The following RABGGTA variants were observed in gnomAD, a reference collection of about 807,000 sequenced individuals.
RABGGTA encodes the protein geranylgeranyl transferase type-2 subunit alpha.
RABGGTA carries 69 observed loss-of-function variants against 83.3 expected under a neutral mutation model. The ratio of observed to expected loss-of-function variants is 0.83; its 90% CI spans 0.68 to 1.01. The LOEUF (loss-of-function observed/expected upper bound fraction) is 1.01. RABGGTA is among the 50% of genes least tolerant of loss of function. The probability of loss-of-function intolerance (pLI) is 0.00; values close to 1 mark genes in which losing one functional copy is unlikely to be tolerated. For missense variants in RABGGTA, 681 were observed against 712.7 expected (o/e 0.96, Z 0.51); for synonymous variants, 310 against 299.8 (o/e 1.03, Z -0.35).
At position 24,270,079 on chromosome 14, in the gene RABGGTA, G is replaced by C. The variant is rs756007491; in HGVS notation, c.301C>G (p.Arg101Gly). The C allele has an allele frequency of 2.5e-6, 4 of 1,610,926 alleles. No individual in the cohort carries two copies. The highest frequency in any genetic ancestry group is 3.4e-6 in the Non-Finnish European group (4 of 1,178,622). Residue 101 changes from arginine (R) to glycine (G), a missense_variant, in exon 5 of 17, where the codon CGG becomes GGG. Physicochemically the swap from Arg to Gly is moderately radical, Grantham distance 125. Around this residue, in one of 5 missense-constraint regions of RABGGTA, gnomAD observed 12 missense variants for 32.0 expected, o/e 0.37. Coordinates refer to ENST00000216840, the MANE Select transcript of RABGGTA (RefSeq NM_182836.3). ...GTACCATAAGACTTGGGGTTCACCC[G>C]CAGGCAGCTCTCCAGGAAGCCCAGT... is the stretch of plus-strand genomic sequence containing the variant. Reference protein sequence around the residue: ...AELGFLESCLRVNPKSYGTWH... With the variant: ...AELGFLESCLGVNPKSYGTWH...
At chr14:24,265,791 G>A in intron 16 of RABGGTA, 28 bp from the exon 17 acceptor site, 5 of 1,578,352 alleles carry the variant, frequency 3.2e-6, no homozygotes, top group Non-Finnish European at 4.3e-6. Context: ...AGGAAAGCTT[G>A]GCAGGTTCCT....
rs2040920942 is a variant in RABGGTA, at chr14:24,269,707, G to A, written c.428-13C>T. ...TCCCAGCAGTGAACTGGAGGGGAGA[G>A]GTGACAGCATATCTTAGAGGCAGGG... On this transcript the variant is annotated splice_polypyrimidine_tract_variant and intron_variant, in intron 5 of 16. Transcript: ENST00000216840. 6.2e-7 allele frequency: 1 copy of A among 1,612,950 alleles called. No individual in the cohort carries two copies. The highest frequency in any genetic ancestry group is 1.1e-5 in the South Asian group (1 of 91,070).
intron 6 of RABGGTA, 110 bp downstream of exon 6, chr14:24,269,381 T>C: frequency 7.6e-7 from 1 of 1,315,724 alleles, no homozygotes; most frequent in Non-Finnish European, 1.1e-6. Flanking sequence ...GAGCCACGCA[T>C]GAAGTAGGTG....
At chr14:24,270,995 T>C in intron 2 of RABGGTA, 48 bp from the exon 3 acceptor site, 1 of 1,605,550 alleles carries the variant, frequency 6.2e-7, no homozygotes, top group Non-Finnish European at 8.5e-7. Flanking sequence ...TTGCAGAAGC[T>C]GACCTGCAAA....
At chr14:24,270,999 C>T (rs2040941919) in intron 2 of RABGGTA, 52 bp from the exon 3 acceptor site, 2 of 1,604,254 alleles carry the variant, frequency 1.2e-6, no homozygotes, top group South Asian at 2.2e-5. Context: ...AGAAGCTGAC[C>T]TGCAAAAACC....
Position 24,265,759 on chromosome 14 carries a change from G to T in RABGGTA, c.1560C>A (p.Leu520=). ...GAGGCTGGAGCACTGCAGGCTGCTG[G>T]AGGCCTTGTTCAGGAGAGTCAAGGA... ...LQELLLCNNR[L]QQPAVLQPLA... is the part of the protein sequence containing the mutation. The change falls in exon 17 of 17, where the codon CTC becomes CTA. Residue 520 remains leucine (L), a synonymous_variant. Transcript: ENST00000216840. The T allele has an allele frequency of 6.2e-7, 1 of 1,607,392 alleles. No individual in the cohort carries two copies. Among genetic ancestry groups the T allele is most frequent in the Non-Finnish European group, 8.5e-7 (1 of 1,177,146 alleles).
At chr14:24,271,412 C>T (rs903167603) in intron 1 of RABGGTA, 75 bp downstream of exon 1, 2 of 323,302 alleles carry the variant, frequency 6.2e-6, no homozygotes, top group African/African-American at 2.1e-5. Flanking sequence ...GGGGACCACT[C>T]TGCTCCCCAA....
intron 10 of RABGGTA, 28 bp from the exon 11 acceptor site, chr14:24,268,448 T>A: frequency 6.3e-7 from 1 of 1,594,802 alleles, no homozygotes; most frequent in South Asian, 1.1e-5. Flanking sequence ...GGTTGGAGGG[T>A]GCACCCTTGA....
Position 24,269,498 on chromosome 14 carries a change from C to T in RABGGTA, c.624G>A (p.Leu208=). ...ATCCCTGACCCTGGTTACCTTTGAG[C>T]AGCACATCCTCAGGGAGGCGCCCCT... The part of the protein sequence containing the change: ...GPQGRLPEDV[L]LKELELVQNA... Residue 208 remains leucine (L), a synonymous_variant, in exon 6 of 17, where the codon CTG becomes CTA. Transcript: ENST00000216840. The T allele has an allele frequency of 1.9e-6, 3 of 1,582,584 alleles. No homozygotes were observed. The highest frequency in any genetic ancestry group is 2.2e-5 in the South Asian group (2 of 90,406).
Position 24,268,630 on chromosome 14 carries a change from T to G in RABGGTA, c.901-11A>C. On this transcript the variant is annotated splice_polypyrimidine_tract_variant and intron_variant, in intron 9 of 16. Transcript: ENST00000216840. ...AGGCAGGTCACAGAGCTGGGAGTAC[T>G]GGGTCAAGGAAATGCCCCAGCCTAA... 1 of 1,613,324 alleles carries G rather than the reference T, an allele frequency of 6.2e-7. No individual in the cohort carries two copies. Among genetic ancestry groups the G allele is most frequent in the Non-Finnish European group, 8.5e-7 (1 of 1,179,372 alleles).
chr14:24,267,837 C>CT (rs746119867), intron 13 of RABGGTA, 33 bp downstream of exon 13: 2 of 1,611,938 alleles, frequency 1.2e-6, no homozygotes, highest in Non-Finnish European at 1.7e-6. Flanking sequence ...CCTGCTGGGC[C>CT]TCCCCCTGGT....
At position 24,270,149 on chromosome 14, in the gene RABGGTA, A is replaced by T; in HGVS notation, c.240-9T>A. 1.3e-6 allele frequency: 2 copies of T among 1,597,430 alleles called. No individual in the cohort carries two copies. The highest frequency in any genetic ancestry group is 1.7e-6 in the Non-Finnish European group (2 of 1,172,662). ...CCAACTCTTCAGGAGACCTGTACCC[A>T]GAAGGGAAGGGGGGGGTCAGGGCTC... is the stretch of plus-strand genomic sequence containing the variant. On this transcript the variant is annotated splice_polypyrimidine_tract_variant and intron_variant, in intron 4 of 16. Transcript: ENST00000216840.
intron 9 of RABGGTA, 36 bp downstream of exon 9, chr14:24,268,689 C>G (rs1274351963): frequency 2.5e-6 from 4 of 1,609,244 alleles, no homozygotes. Flanking sequence ...AGCCCTGCCC[C>G]AGACCCCAAC....
At chr14:24,266,973 G>T in intron 14 of RABGGTA, 84 bp from the exon 15 acceptor site, 1 of 981,984 alleles carries the variant, frequency 1.0e-6, no homozygotes, top group Non-Finnish European at 1.6e-6. Context: ...TTAGGCACAT[G>T]CCCTCTGTGC....
At chr14:24,267,133 CGGAGGTACA>C (rs751920901) in intron 14 of RABGGTA, among the ~76,000 whole-genome samples, 6 of 152,102 alleles carry the variant, frequency 3.9e-5, no homozygotes, top group Non-Finnish European at 8.8e-5. Flanking sequence ...GCCTGGAGTT[CGGAGGTACA>C]GGGGCCAGTG....
rs926024865 is a variant in RABGGTA at position 24,265,626 on chromosome 14, C to T, written c.1693G>A (p.Val565Ile). ...LAELLPSVSS[V>I]LT Reference sequence around the variant, plus strand: ...GGGGGCAGGGCCTCTTAGGTGAGGACGCTGCTAACTGAAGGCAGCAGTTCA... The same window carrying T: ...GGGGGCAGGGCCTCTTAGGTGAGGATGCTGCTAACTGAAGGCAGCAGTTCA... Residue 565 changes from valine (V) to isoleucine (I), a missense_variant, in exon 17 of 17, where the codon GTC (valine) becomes ATC (isoleucine). Physicochemically the swap from Val to Ile is conservative, Grantham distance 29. This residue lies in a region of RABGGTA where 421 missense variants were observed against 418.5 expected (regional missense o/e 1.01). Transcript: ENST00000216840. The T allele has an allele frequency of 4.8e-5, 77 of 1,613,532 alleles. 1 individual carries two copies. In the South Asian group the frequency reaches 6.0e-4, roughly 13 times the overall value.
intron 14 of RABGGTA, 46 bp from the exon 15 acceptor site, chr14:24,266,935 C>T (rs767846909): frequency 3.5e-6 from 5 of 1,445,054 alleles, no homozygotes; most frequent in Non-Finnish European, 4.9e-6. Context: ...CCCAGGAGAC[C>T]TGGGAGAGGG....
Position 24,270,848 on chromosome 14 carries a change from C to A in RABGGTA, c.103G>T (p.Val35Leu), listed in dbSNP as rs201935774. The change falls in exon 3 of 17, where the codon GTA (valine) becomes TTA (leucine). Residue 35 changes from valine (V) to leucine (L), a missense_variant. Coordinates refer to ENST00000216840, the MANE Select transcript of RABGGTA (RefSeq NM_182836.3). ...LKLYQSATQA[V>L]FQKRQAGELD... ...TCTGAGGGCCCCACCTTCTGGAATA[C>A]GGCCTGGGTGGCTGACTGGTATAGC... The A allele has an allele frequency of 6.2e-7, 1 of 1,613,652 alleles. No individual in the cohort carries two copies. The highest frequency in any genetic ancestry group is 1.3e-5 in the African/African-American group (1 of 75,070).
In RABGGTA at chr14:24,268,972, C is replaced by A; in HGVS notation, c.737G>T (p.Arg246Leu). The change falls in exon 8 of 17, where the codon CGC (arginine) becomes CTC (leucine). Residue 246 changes from arginine to leucine, a missense_variant. By Grantham distance (102) the Arg-to-Leu change is moderately radical (BLOSUM62 -2). Around this residue, in one of 5 missense-constraint regions of RABGGTA, gnomAD observed 421 missense variants for 418.5 expected, o/e 1.01. Coordinates refer to ENST00000216840, the MANE Select transcript of RABGGTA (RefSeq NM_182836.3). Reference sequence around the variant, plus strand: ...CTCGTCCCGGCTCACATGCAGGCAGCGCAGTGCATCCTGGGGGTCAGCTGC... The same window carrying A: ...CTCGTCCCGGCTCACATGCAGGCAGAGCAGTGCATCCTGGGGGTCAGCTGC... ...LGRADPQDAL[R>L]CLHVSRDEAC... 6.3e-7 allele frequency: 1 copy of A among 1,586,680 alleles called. No homozygotes were observed. Among genetic ancestry groups the A allele is most frequent in the Non-Finnish European group, 8.6e-7 (1 of 1,165,652 alleles).
Sources: gnomAD v4.1 joint callset for allele counts (sites outside exome capture counted in the v4.1 genomes callset) on GRCh38, gnomAD v4.1.1 for gene constraint, gnomAD v4.1.1 regional missense constraint, MANE v1.5 for transcripts, NCBI Gene and HGNC (gene_info 2026-07-23, HGNC 2026-07-21) for gene names.